TTC29: variants seen among roughly 807,000 people sequenced by gnomAD.
TTC29 encodes the protein tetratricopeptide repeat protein 29.
In TTC29, 49 loss-of-function variants were observed where a neutral mutation model predicts 58.1. The ratio of observed to expected loss-of-function variants is 0.84; its 90% CI spans 0.67 to 1.07. TTC29 has a LOEUF of 1.07. Among genes scored for constraint, TTC29 ranks in the 50% least tolerant of loss-of-function variants. The probability of loss-of-function intolerance (pLI) is 0.00; values close to 1 mark genes in which losing one functional copy is unlikely to be tolerated. For missense variants in TTC29, 582 were observed against 555.6 expected (o/e 1.05, Z -0.48); for synonymous variants, 209 against 196.8 (o/e 1.06, Z -0.52).
At position 146,719,922 on chromosome 4, in the gene TTC29, C is replaced by T. The variant is rs1409433730; in HGVS notation, c.1331-12371G>A. ...TAAAAATGCAAATCATTTGGTGCCACGTAAGTGAAACTTGGTAGCTAAAGT... is the reference window on the plus strand; with the variant it reads ...TAAAAATGCAAATCATTTGGTGCCATGTAAGTGAAACTTGGTAGCTAAAGT... On this transcript the variant is annotated intron_variant, in intron 11 of 12. Transcript: ENST00000325106. 3.9e-5 allele frequency among the ~76,000 whole-genome samples: 6 copies of T among 152,088 alleles called. No individual in the cohort carries two copies. The East Asian group carries it at 7.7e-4, about 20-fold the overall frequency.
At chr4:146,732,392 T>C (rs1744401267) in intron 11 of TTC29, among the ~76,000 whole-genome samples, 1 of 152,178 alleles carries the variant, frequency 6.6e-6, no homozygotes, top group African/African-American at 2.4e-5. Flanking sequence ...ATTAATCTGC[T>C]GGGAATTTAT....
intron 5 of TTC29, among the ~76,000 whole-genome samples, chr4:146,906,422 C>T (rs1030981013): frequency 1.3e-5 from 2 of 152,082 alleles, no homozygotes; most frequent in African/African-American, 4.8e-5. Flanking sequence ...TGAGAAGCAA[C>T]GAGATTGCTC....
At chr4:146,753,716 A>T (rs532251612) in intron 11 of TTC29, among the ~76,000 whole-genome samples, 2 of 152,320 alleles carry the variant, frequency 1.3e-5, no homozygotes, top group South Asian at 4.1e-4. Context: ...ATGGAATACT[A>T]TGCAGCCATA....
intron 9 of TTC29, among the ~76,000 whole-genome samples, chr4:146,825,103 C>T (rs1289723867): frequency 6.6e-6 from 1 of 152,118 alleles, no homozygotes. Context: ...CTATCTCCCT[C>T]AATTCTTCTG....
At chr4:146,886,220 C>T (rs1731972235) in intron 6 of TTC29, among the ~76,000 whole-genome samples, 1 of 152,036 alleles carries the variant, frequency 6.6e-6, no homozygotes, top group East Asian at 1.9e-4. Flanking sequence ...AGTCTGAATG[C>T]CTCCTGTATC....
intron 11 of TTC29, among the ~76,000 whole-genome samples, chr4:146,744,359 C>G (rs531293281): frequency 6.6e-6 from 1 of 151,270 alleles, no homozygotes; most frequent in Admixed American, 6.6e-5. Flanking sequence ...CAGTGAGACC[C>G]CCATCTCTTA....
chr4:146,715,605 C>G (rs1742869812), intron 11 of TTC29, among the ~76,000 whole-genome samples: 1 of 151,726 alleles, frequency 6.6e-6, no homozygotes. Context: ...GTATTAGAGG[C>G]TGGGAAGGGT....
At chr4:146,736,069 G>T (rs1172266282) in intron 11 of TTC29, among the ~76,000 whole-genome samples, 1 of 152,138 alleles carries the variant, frequency 6.6e-6, no homozygotes, top group Admixed American at 6.5e-5. Flanking sequence ...AAACCAGTTT[G>T]CTATGTTTCC....
rs563523167 is a variant in TTC29 at position 146,872,970 on chromosome 4, A to C, written c.799+1746T>G. On this transcript the variant is annotated intron_variant, in intron 7 of 12. Coordinates refer to ENST00000325106, the MANE Select transcript of TTC29 (RefSeq NM_031956.4). ...AAAGGTGGAAACAACTCATATGTCC[A>C]TCATAAATGAATAAAGAAAATGTGG... is the stretch of plus-strand genomic sequence containing the variant. Among the ~76,000 whole-genome samples the C allele has an allele frequency of 3.3e-5, 5 of 152,290 alleles. No individual in the cohort carries two copies. In the East Asian group the frequency reaches 9.6e-4, roughly 29 times the overall value.
intron 11 of TTC29, among the ~76,000 whole-genome samples, chr4:146,793,423 G>C (rs1280847541): frequency 6.6e-6 from 1 of 152,166 alleles, no homozygotes; most frequent in African/African-American, 2.4e-5. Context: ...CGTAGGCTCA[G>C]ATGACAATTA....
At chr4:146,873,804 T>G (rs1021976208) in intron 7 of TTC29, among the ~76,000 whole-genome samples, 5 of 152,172 alleles carry the variant, frequency 3.3e-5, no homozygotes, top group Admixed American at 3.3e-4. Flanking sequence ...TTTTTCCTCT[T>G]TAGTAAATTA....
intron 4 of TTC29, among the ~76,000 whole-genome samples, chr4:146,913,051 G>T (rs1173802404): frequency 6.6e-6 from 1 of 152,114 alleles, no homozygotes; most frequent in Non-Finnish European, 1.5e-5. Context: ...TCAGGAGCCT[G>T]AGGGGACCTC....
chr4:146,903,480 T>C, intron 6 of TTC29, 64 bp downstream of exon 6: 4 of 1,418,046 alleles, frequency 2.8e-6, no homozygotes, highest in South Asian at 1.5e-5. Flanking sequence ...CACGTGTTTT[T>C]CCATTGTGTG....
intron 9 of TTC29, among the ~76,000 whole-genome samples, chr4:146,826,345 T>C (rs542828460): frequency 1.3e-5 from 2 of 152,316 alleles, no homozygotes; most frequent in Admixed American, 1.3e-4. Flanking sequence ...CTGGAAAGGA[T>C]TTTGTTTCTC....
chr4:146,925,592 G>C (rs936152602), intron 4 of TTC29, among the ~76,000 whole-genome samples: 1 of 152,028 alleles, frequency 6.6e-6, no homozygotes, highest in Non-Finnish European at 1.5e-5. Flanking sequence ...AATGAGATTC[G>C]TCATTTATCT....
intron 11 of TTC29, among the ~76,000 whole-genome samples, chr4:146,789,136 C>A (rs1000993333): frequency 6.6e-6 from 1 of 151,944 alleles, no homozygotes; most frequent in South Asian, 2.1e-4. Context: ...TGTAGTGAGC[C>A]GTACATATTT....
At chr4:146,944,479 T>C (rs149846916) in intron 2 of TTC29, 1 of 152,390 alleles carries the variant, frequency 6.6e-6, no homozygotes, top group Admixed American at 6.5e-5. Flanking sequence ...AGAGTAACTC[T>C]CCTGCCCTCT....
intron 11 of TTC29, among the ~76,000 whole-genome samples, chr4:146,798,262 AG>A (rs1442313552): frequency 2.0e-5 from 3 of 152,110 alleles, no homozygotes; most frequent in African/African-American, 7.2e-5. Flanking sequence ...CAGGAGCCCC[AG>A]GAACAGCGGG....
rs1554006145 is a variant in TTC29, at chr4:146,728,860, C to CAT, written c.1331-21311_1331-21310dup. Reference sequence around the variant, plus strand: ...ACACATATATATGTATATATATACACATATATATGTGTGTGTATATATATA... The same window carrying CAT: ...ACACATATATATGTATATATATACACATATATATATGTGTGTGTATATATATA... On this transcript the variant is annotated intron_variant, in intron 11 of 12. Transcript: ENST00000325106. 3.1e-4 allele frequency among the ~76,000 whole-genome samples: 19 copies of CAT among 62,050 alleles called. 3 individuals are homozygous for CAT. In the East Asian group the frequency reaches 4.2e-3, roughly 14 times the overall value. The allele number at this position is 62,050 out of a possible 152,430, so 40.7% of individuals were successfully genotyped here.
Sources: allele counts gnomAD v4.1 joint callset (sites outside exome capture counted in the v4.1 genomes callset), GRCh38; gene constraint gnomAD v4.1.1; transcripts MANE v1.5; gene names NCBI Gene and HGNC (gene_info 2026-07-23, HGNC 2026-07-21).